Variants in CNOT4 observed in about 807,000 individuals in gnomAD.
CNOT4 encodes the protein CCR4-NOT transcription complex subunit 4.
CNOT4 carries 8 observed loss-of-function variants against 73.8 expected under a neutral mutation model. The observed-to-expected ratio is 0.11, with a 90% CI of 0.06 to 0.20. The LOEUF (loss-of-function observed/expected upper bound fraction) is 0.20, where lower values mean the gene tolerates loss of function less well. Among genes scored for constraint, CNOT4 ranks in the 10% least tolerant of loss-of-function variants. CNOT4 has a pLI of 1.00. For missense variants in CNOT4, 564 were observed against 883.4 expected (o/e 0.64, Z 4.58); for synonymous variants, 293 against 321.1 (o/e 0.91, Z 0.94).
chr7:135,472,193 A>T (rs12154326), intron 1 of CNOT4, among the ~76,000 whole-genome samples: 1 of 150,862 alleles, frequency 6.6e-6, no homozygotes, highest in East Asian at 1.9e-4. Context: ...ATATAAATAT[A>T]CAGGCTGGGC....
rs573306487 is a variant in CNOT4, at chr7:135,427,847, G to C, written c.175-5494C>G. Among the ~76,000 whole-genome samples the C allele has an allele frequency of 3.2e-4, 48 of 152,116 alleles. 1 individual carries two copies. Among genetic ancestry groups the C allele is most frequent in the African/African-American group, 1.2e-3 (48 of 41,510 alleles). On this transcript the variant is annotated intron_variant, in intron 2 of 11. Coordinates refer to ENST00000541284, the MANE Select transcript of CNOT4 (RefSeq NM_001190850.2). ...TTTTGGTTGAAAGTAAAAATTCAGA[G>C]CCTAAACAGAAAATCTGATTAACAA...
At position 135,410,661 on chromosome 7, in the gene CNOT4, GA is replaced by G. The variant is rs780699388; in HGVS notation, c.688-14del. 1.0e-5 allele frequency: 16 copies of G among 1,570,124 alleles called. No homozygotes were observed. Among genetic ancestry groups the G allele is most frequent in the Non-Finnish European group, 1.4e-5 (16 of 1,162,194 alleles). On this transcript the variant is annotated splice_polypyrimidine_tract_variant and intron_variant, in intron 6 of 11. Coordinates refer to ENST00000541284, the MANE Select transcript of CNOT4 (RefSeq NM_001190850.2). ...GGTGTTTACCCGCCTAACGAAAGAA[GA>G]AATTAAAACTGCAGTGGGATTCACA...
In CNOT4 at chr7:135,414,347, T is replaced by A; in HGVS notation, c.545A>T (p.Asp182Val). The A allele has an allele frequency of 1.5e-6, 2 of 1,375,492 alleles. No individual in the cohort carries two copies. Among genetic ancestry groups the A allele is most frequent in the Non-Finnish European group, 2.1e-6 (2 of 967,824 alleles). 85.2% of individuals were successfully genotyped at this position (1,375,492 alleles called of 1,614,324 possible). ...AIQCVNNVVV[D>V]GRTLKASLGT... ...CTATATTACCTTAAGTGTTCTGCCATCTACTACCACATTGTTGACACACTG... is the reference window on the plus strand; with the variant it reads ...CTATATTACCTTAAGTGTTCTGCCAACTACTACCACATTGTTGACACACTG... Residue 182 changes from aspartate to valine, a missense_variant, in exon 5 of 12, where the codon GAT becomes GTT. Coordinates refer to ENST00000541284, the MANE Select transcript of CNOT4 (RefSeq NM_001190850.2).
chr7:135,427,358 TACTC>T (rs202137429), intron 2 of CNOT4, among the ~76,000 whole-genome samples: 2,218 of 152,298 alleles, frequency 0.015, 30 homozygotes, highest in Middle Eastern at 0.078. Flanking sequence ...AAATTCTGCT[TACTC>T]ACTCCCTTCC....
intron 1 of CNOT4, among the ~76,000 whole-genome samples, chr7:135,485,040 T>C (rs1223462888): frequency 7.9e-5 from 12 of 152,170 alleles, no homozygotes; most frequent in Non-Finnish European, 1.5e-4. Context: ...TATAGTATAA[T>C]GCAATTCCTA....
chr7:135,463,819 A>G (rs1466986348), intron 1 of CNOT4, among the ~76,000 whole-genome samples: 3 of 151,958 alleles, frequency 2.0e-5, no homozygotes, highest in African/African-American at 7.2e-5. Context: ...TTTATAAGGA[A>G]CAAACAAATT....
intron 1 of CNOT4, among the ~76,000 whole-genome samples, chr7:135,471,116 C>A (rs1180942325): frequency 6.6e-6 from 1 of 151,966 alleles, no homozygotes; most frequent in Non-Finnish European, 1.5e-5. Flanking sequence ...AGGGAAGCAC[C>A]CAACAGTGGG....
chr7:135,388,513 C>T (rs914108937), intron 10 of CNOT4: 20 of 1,028,600 alleles, frequency 1.9e-5, no homozygotes, highest in Non-Finnish European at 2.2e-5. Flanking sequence ...TAGCTAATCT[C>T]ACCTGGGATC....
chr7:135,460,556 G>A (rs1276761297), intron 1 of CNOT4, among the ~76,000 whole-genome samples: 2 of 152,106 alleles, frequency 1.3e-5, no homozygotes, highest in Admixed American at 6.6e-5. Flanking sequence ...ATCATTTTAC[G>A]TAGGTGCAGT....
rs750708045 is a variant in CNOT4, at chr7:135,362,736, T to C, written c.*149A>G. ...AGATGGTAATGACCCTGTGATCGCA[T>C]TGCATCTGGGGTTAGGGAGAAAAAA... is the stretch of plus-strand genomic sequence containing the variant. On this transcript the variant is annotated 3_prime_UTR_variant, in exon 12 of 12. Transcript: ENST00000541284. 14 of 808,002 alleles carry C rather than the reference T, an allele frequency of 1.7e-5. 1 individual carries two copies. Among genetic ancestry groups the C allele is most frequent in the South Asian group, 9.4e-5 (7 of 74,590 alleles). 50.1% of individuals were successfully genotyped at this position (808,002 alleles called of 1,614,324 possible).
chr7:135,502,816 C>CAA (rs56358299), intron 1 of CNOT4, among the ~76,000 whole-genome samples: 2,761 of 59,054 alleles, frequency 0.047, 56 homozygotes, highest in Middle Eastern at 0.082. Context: ...AACTCCATCT[C>CAA]AAAAAAAAAA....
chr7:135,498,895 T>C (rs1263502361), intron 1 of CNOT4, among the ~76,000 whole-genome samples: 1 of 152,148 alleles, frequency 6.6e-6, no homozygotes, highest in Non-Finnish European at 1.5e-5. Context: ...GAAAAAAATT[T>C]AGGAGAAGCA....
At chr7:135,386,639 T>C (rs966192252) in intron 10 of CNOT4, 10 of 152,132 alleles carry the variant, frequency 6.6e-5, no homozygotes, top group African/African-American at 1.9e-4. Flanking sequence ...ACAAGGAAGG[T>C]GTAGGAATTA....
At chr7:135,400,215 T>C (rs987002775) in intron 7 of CNOT4, among the ~76,000 whole-genome samples, 8 of 151,394 alleles carry the variant, frequency 5.3e-5, no homozygotes, top group African/African-American at 2.0e-4. Flanking sequence ...TTAGTTTAGC[T>C]AACAAATGGG....
intron 10 of CNOT4, chr7:135,384,307 C>A (rs569794987): frequency 1.3e-5 from 2 of 158,508 alleles, no homozygotes; most frequent in Middle Eastern, 3.0e-3. Context: ...TTTTTTTAGA[C>A]GGAGTCTCGC....
At chr7:135,412,945 C>T (rs1797658902) in intron 6 of CNOT4, among the ~76,000 whole-genome samples, 1 of 151,998 alleles carries the variant, frequency 6.6e-6, no homozygotes, top group Non-Finnish European at 1.5e-5. Flanking sequence ...GATATTAAGC[C>T]TTCAATTCAC....
Position 135,437,567 on chromosome 7 carries a change from T to A in CNOT4, c.174+591A>T, listed in dbSNP as rs562824517. On this transcript the variant is annotated intron_variant, in intron 2 of 11. Transcript: ENST00000541284. ...ACATTTGAATTCCAAACCTCCTACCTACTACTCACAAGTTGATGACTCTGG... is the reference window on the plus strand; with the variant it reads ...ACATTTGAATTCCAAACCTCCTACCAACTACTCACAAGTTGATGACTCTGG... Among the ~76,000 whole-genome samples, 4 of 152,294 alleles carry A rather than the reference T, an allele frequency of 2.6e-5. No homozygotes were observed. In the East Asian group the frequency reaches 7.7e-4, roughly 29 times the overall value.
At chr7:135,492,589 T>C (rs1003120030) in intron 1 of CNOT4, among the ~76,000 whole-genome samples, 1 of 152,036 alleles carries the variant, frequency 6.6e-6, no homozygotes, top group Non-Finnish European at 1.5e-5. Flanking sequence ...CAGAAAGAGC[T>C]TAGAAAAAAT....
chr7:135,461,747 G>C (rs181364840), intron 1 of CNOT4, among the ~76,000 whole-genome samples: 1 of 152,080 alleles, frequency 6.6e-6, no homozygotes, highest in Non-Finnish European at 1.5e-5. Context: ...TGGGAGAATT[G>C]CTTGAACCTG....
Sources: allele counts gnomAD v4.1 joint callset (sites outside exome capture counted in the v4.1 genomes callset), GRCh38; gene constraint gnomAD v4.1.1; transcripts MANE v1.5; gene names NCBI Gene and HGNC (gene_info 2026-07-23, HGNC 2026-07-21).